Variants in MDGA2 observed in about 807,000 individuals in gnomAD.
MDGA2 encodes MAM domain containing glycosylphosphatidylinositol anchor 2, also known as MAM domain-containing glycosylphosphatidylinositol anchor protein 2.
MDGA2 carries 40 observed loss-of-function variants against 117.8 expected under a neutral mutation model. The observed-to-expected ratio is 0.34, with a 90% CI of 0.26 to 0.44. The LOEUF (loss-of-function observed/expected upper bound fraction) is 0.44, where lower values mean the gene tolerates loss of function less well. Ranked by LOEUF, MDGA2 falls within the 20% of genes least tolerant of loss-of-function variation. MDGA2 has a pLI of 1.00. For missense variants in MDGA2, 1,123 were observed against 1,250.6 expected, an observed-to-expected ratio of 0.90 and a Z score of 1.54; for synonymous variants, 452 against 439.0, an observed-to-expected ratio of 1.03 and a Z score of -0.37.
At position 47,424,231 on chromosome 14, in the gene MDGA2, G is replaced by T. The variant is rs935935519; in HGVS notation, c.281-122681C>A. 4.6e-5 allele frequency among the ~76,000 whole-genome samples: 7 copies of T among 152,050 alleles called. No individual in the cohort carries two copies. In the South Asian group the frequency reaches 1.5e-3, roughly 32 times the overall value. On this transcript the variant is annotated intron_variant, in intron 1 of 16. Coordinates refer to ENST00000399232, the MANE Select transcript of MDGA2 (RefSeq NM_001113498.3). Reference sequence around the variant, plus strand: ...AGTATAGGAGTTTGAGACCAGTCTGGGTAACATGGAGAAACCGTCGTCTCT... The same window carrying T: ...AGTATAGGAGTTTGAGACCAGTCTGTGTAACATGGAGAAACCGTCGTCTCT...
At chr14:47,000,414 T>C (rs1188621036) in intron 8 of MDGA2, among the ~76,000 whole-genome samples, 3 of 141,050 alleles carry the variant, frequency 2.1e-5, no homozygotes, top group Non-Finnish European at 4.6e-5. Context: ...TATATTTATA[T>C]ATATACACAT....
At chr14:47,506,952 G>A (rs1161983054) in intron 1 of MDGA2, among the ~76,000 whole-genome samples, 1 of 150,714 alleles carries the variant, frequency 6.6e-6, no homozygotes, top group African/African-American at 2.4e-5. Flanking sequence ...TGTTTTTATG[G>A]TCACTAGGAG....
At chr14:47,603,412 T>G (rs1896683278) in intron 1 of MDGA2, among the ~76,000 whole-genome samples, 1 of 152,146 alleles carries the variant, frequency 6.6e-6, no homozygotes, top group African/African-American at 2.4e-5. Flanking sequence ...AGACATAAAA[T>G]CATCACTGTC....
intron 1 of MDGA2, among the ~76,000 whole-genome samples, chr14:47,305,560 C>A (rs1889415088): frequency 6.6e-6 from 1 of 152,186 alleles, no homozygotes; most frequent in African/African-American, 2.4e-5. Context: ...ACCAAATTCA[C>A]TCTGGAGAAA....
At chr14:47,110,181 C>T (rs1316787169) in intron 5 of MDGA2, among the ~76,000 whole-genome samples, 2 of 150,276 alleles carry the variant, frequency 1.3e-5, no homozygotes, top group East Asian at 4.0e-4. Context: ...AAAAAAAATA[C>T]AGTGTACTGT....
intron 5 of MDGA2, among the ~76,000 whole-genome samples, chr14:47,102,288 A>G (rs200473185): frequency 0.025 from 2,803 of 110,636 alleles, 90 homozygotes; most frequent in African/African-American, 0.085. Flanking sequence ...TAAGCTCAAG[A>G]CTTTTTTTTT....
chr14:46,925,462 T>G (rs1443492427), intron 9 of MDGA2, among the ~76,000 whole-genome samples: 1 of 151,548 alleles, frequency 6.6e-6, no homozygotes, highest in Non-Finnish European at 1.5e-5. Flanking sequence ...TGAAACCCCA[T>G]CTCTACTAAA....
chr14:47,391,684 A>G (rs1025462882), intron 1 of MDGA2, among the ~76,000 whole-genome samples: 1 of 152,156 alleles, frequency 6.6e-6, no homozygotes, highest in Non-Finnish European at 1.5e-5. Context: ...GATCATCTCT[A>G]AAAGTCATTC....
At chr14:47,349,676 AAAAAG>A (rs1348557787) in intron 1 of MDGA2, among the ~76,000 whole-genome samples, 1 of 152,210 alleles carries the variant, frequency 6.6e-6, no homozygotes, top group African/African-American at 2.4e-5. Context: ...ATTAGTTTTC[AAAAAG>A]AAAAGATCTT....
At chr14:46,939,211 G>T (rs1402928523) in intron 9 of MDGA2, among the ~76,000 whole-genome samples, 1 of 152,104 alleles carries the variant, frequency 6.6e-6, no homozygotes, top group Non-Finnish European at 1.5e-5. Context: ...ACTGTAGGAT[G>T]ACTATAGTTT....
At position 47,074,184 on chromosome 14, in the gene MDGA2, CTTT is replaced by C. The variant is rs1484361519; in HGVS notation, c.1196-12609_1196-12607del. Among the ~76,000 whole-genome samples, 9 of 152,162 alleles carry C rather than the reference CTTT, an allele frequency of 5.9e-5. No homozygotes were observed. In the East Asian group the frequency reaches 9.7e-4, roughly 16 times the overall value. ...AATACAGAAAGTCTTTCCTCAACTTCTTTATCTTCTGAAGCTATTTCTTATTTA... is the reference window on the plus strand; with the variant it reads ...AATACAGAAAGTCTTTCCTCAACTTCATCTTCTGAAGCTATTTCTTATTTA... On this transcript the variant is annotated intron_variant, in intron 6 of 16. Transcript: ENST00000399232.
intron 9 of MDGA2, among the ~76,000 whole-genome samples, chr14:46,930,164 C>A (rs1358953627): frequency 6.6e-6 from 1 of 151,546 alleles, no homozygotes; most frequent in East Asian, 1.9e-4. Context: ...ACATGTAATA[C>A]CCAAATGTTG....
intron 15 of MDGA2, among the ~76,000 whole-genome samples, chr14:46,849,134 A>G (rs1341670249): frequency 6.6e-6 from 1 of 152,004 alleles, no homozygotes; most frequent in Non-Finnish European, 1.5e-5. Flanking sequence ...TTCTAGCAAT[A>G]AAACTCTTAG....
intron 1 of MDGA2, among the ~76,000 whole-genome samples, chr14:47,551,943 T>C (rs1459580986): frequency 2.6e-5 from 4 of 152,078 alleles, no homozygotes; most frequent in Non-Finnish European, 4.4e-5. Flanking sequence ...ACATCAACAA[T>C]AGTATTTACA....
At chr14:47,516,404 G>A (rs1894751687) in intron 1 of MDGA2, among the ~76,000 whole-genome samples, 1 of 152,030 alleles carries the variant, frequency 6.6e-6, no homozygotes, top group Non-Finnish European at 1.5e-5. Context: ...AAATTCCTTT[G>A]AACTTATTCT....
In MDGA2 at chr14:47,493,316, A is replaced by AAT. The variant is rs556847345; in HGVS notation, c.280+181199_280+181200dup. 4.9e-3 allele frequency among the ~76,000 whole-genome samples: 721 copies of AAT among 148,178 alleles called. 1 individual carries two copies. The highest frequency in any genetic ancestry group is 0.014 in the African/African-American group (566 of 40,766). On this transcript the variant is annotated intron_variant, in intron 1 of 16. Coordinates refer to ENST00000399232, the MANE Select transcript of MDGA2 (RefSeq NM_001113498.3). ...TTATATATAATTTTATATAATATAA[A>AAT]ATATATATATATATTTTGAGACAAG...
At chr14:47,231,594 CATATT>C (rs1372585862) in intron 2 of MDGA2, among the ~76,000 whole-genome samples, 2 of 152,106 alleles carry the variant, frequency 1.3e-5, no homozygotes, top group East Asian at 3.9e-4. Flanking sequence ...GTTTCCTATA[CATATT>C]ATATTTCTAC....
intron 8 of MDGA2, among the ~76,000 whole-genome samples, chr14:46,991,382 A>G (rs1450104558): frequency 6.6e-6 from 1 of 152,142 alleles, no homozygotes; most frequent in African/African-American, 2.4e-5. Flanking sequence ...TGACTTGTCC[A>G]TTCTATTATC....
intron 1 of MDGA2, among the ~76,000 whole-genome samples, chr14:47,413,025 G>T (rs986525124): frequency 6.6e-6 from 1 of 152,090 alleles, no homozygotes; most frequent in South Asian, 2.1e-4. Flanking sequence ...GACCATTTTT[G>T]CTCTAGTCTA....
Sources: gnomAD v4.1 joint callset for allele counts (sites outside exome capture counted in the v4.1 genomes callset) on GRCh38, gnomAD v4.1.1 for gene constraint, MANE v1.5 for transcripts, NCBI Gene and HGNC (gene_info 2026-07-23, HGNC 2026-07-21) for gene names.